GUCY1A1: variants seen among roughly 807,000 people sequenced by gnomAD.
GUCY1A1 encodes guanylate cyclase soluble subunit alpha-1.
A neutral mutation model predicts 64.5 loss-of-function variants in GUCY1A1; 48 were observed. The observed-to-expected ratio is 0.74, with a 90% CI of 0.59 to 0.95. The LOEUF (loss-of-function observed/expected upper bound fraction) is 0.95, where lower values mean the gene tolerates loss of function less well. GUCY1A1 is among the 40% of genes least tolerant of loss of function. GUCY1A1 has a pLI of 0.00. For synonymous variants in GUCY1A1, 308 were observed against 303.4 expected, an observed-to-expected ratio of 1.02 and a Z score of -0.16; for missense variants, 804 against 825.3, an observed-to-expected ratio of 0.97 and a Z score of 0.32.
intron 2 of GUCY1A1, among the ~76,000 whole-genome samples, chr4:155,683,089 T>C (rs1736035940): frequency 6.6e-6 from 1 of 152,180 alleles, no homozygotes; most frequent in Non-Finnish European, 1.5e-5. Flanking sequence ...TTCATTTAGC[T>C]GATTTCACAG....
intron 2 of GUCY1A1, among the ~76,000 whole-genome samples, chr4:155,695,681 T>C (rs190874852): frequency 1.6e-4 from 24 of 152,276 alleles, no homozygotes; most frequent in Admixed American, 4.6e-4. Context: ...TTCTCACCCA[T>C]TGGGGATAAT....
chr4:155,704,135 A>T (rs903810527), intron 4 of GUCY1A1, 142 bp downstream of exon 4: 1 of 520,622 alleles, frequency 1.9e-6, no homozygotes, highest in Admixed American at 3.4e-5. Context: ...TTTAGCTGAT[A>T]CTAATTTCAA....
At chr4:155,672,251 T>C (rs911293880) in intron 2 of GUCY1A1, among the ~76,000 whole-genome samples, 3 of 152,130 alleles carry the variant, frequency 2.0e-5, no homozygotes, top group African/African-American at 4.8e-5. Context: ...TTTTCACCAA[T>C]TTAGAGGAAT....
At chr4:155,672,009 C>A (rs1560906200) in intron 2 of GUCY1A1, among the ~76,000 whole-genome samples, 2 of 107,848 alleles carry the variant, frequency 1.9e-5, no homozygotes, top group Non-Finnish European at 4.0e-5. Flanking sequence ...TTCTACTCTT[C>A]CCCCCTCCGT....
chr4:155,717,139 G>A lies in GUCY1A1; in HGVS notation c.1573-20G>A, dbSNP rs1391625114. 3 of 1,378,356 alleles carry A rather than the reference G, an allele frequency of 2.2e-6. No homozygotes were observed. The African/African-American group carries it at 4.4e-5, about 20-fold the overall frequency. The allele number at this position is 1,378,356 out of a possible 1,614,324, so 85.4% of individuals were successfully genotyped here. A position where few individuals can be genotyped will look rare whatever the true frequency, so the allele number is the denominator to read the frequency against. On this transcript the variant is annotated intron_variant, in intron 7 of 9. Coordinates refer to ENST00000506455, the MANE Select transcript of GUCY1A1 (RefSeq NM_001130682.3). ...CTTCCTGAGCATTTATTTATAGTAT[G>A]GAAAATATATTATGTCTAGGTGGAG...
chr4:155,717,462 G>T (rs1324972546), intron 8 of GUCY1A1, among the ~76,000 whole-genome samples, 160 bp downstream of exon 8: 1 of 152,104 alleles, frequency 6.6e-6, no homozygotes, highest in Non-Finnish European at 1.5e-5. Context: ...TACATTGGAA[G>T]AAATTTATTA....
At chr4:155,684,176 G>T (rs527825031) in intron 2 of GUCY1A1, among the ~76,000 whole-genome samples, 5 of 152,264 alleles carry the variant, frequency 3.3e-5, no homozygotes, top group African/African-American at 4.8e-5. Context: ...TCTCTATTTT[G>T]AATCAATTAG....
rs80116802 is a variant in GUCY1A1, at chr4:155,679,508, C to T, written c.-113+12089C>T. 8.8e-3 allele frequency among the ~76,000 whole-genome samples: 1,336 copies of T among 152,072 alleles called. 27 individuals carry two copies. Among genetic ancestry groups the T allele is most frequent in the Middle Eastern group, 0.031 (9 of 292 alleles). ...AGAGATTACTGAGAGAGAGAGGAAG[C>T]GAGGGAGAGAGAGAGGAGACACCAG... On this transcript the variant is annotated intron_variant, in intron 2 of 9. Coordinates refer to ENST00000506455, the MANE Select transcript of GUCY1A1 (RefSeq NM_001130682.3).
chr4:155,690,145 T>C (rs796427853), intron 2 of GUCY1A1, among the ~76,000 whole-genome samples: 3 of 152,296 alleles, frequency 2.0e-5, no homozygotes, highest in African/African-American at 7.2e-5. Flanking sequence ...TTGGTTAAGA[T>C]TGAATAACCA....
chr4:155,686,983 A>C (rs1336392462), intron 2 of GUCY1A1, among the ~76,000 whole-genome samples: 2 of 152,198 alleles, frequency 1.3e-5, no homozygotes, highest in African/African-American at 4.8e-5. Flanking sequence ...TATATTCTCT[A>C]ATGCTCATCA....
intron 2 of GUCY1A1, among the ~76,000 whole-genome samples, chr4:155,694,122 T>C (rs1397351916): frequency 1.3e-5 from 2 of 152,214 alleles, no homozygotes. Context: ...ATAACTGAAA[T>C]AGTGGCATTC....
rs184859503 is a variant in GUCY1A1, at chr4:155,697,998, T to G, written c.255+876T>G. ...ACCAGCTAACATAATACATTGATAA[T>G]TTTTAATTGACTCAATACCAACCCT... On this transcript the variant is annotated intron_variant, in intron 3 of 9. Coordinates refer to ENST00000506455, the MANE Select transcript of GUCY1A1 (RefSeq NM_001130682.3). Among the ~76,000 whole-genome samples, 266 of 152,328 alleles carry G rather than the reference T, an allele frequency of 1.7e-3. 1 individual carries two copies. The highest frequency in any genetic ancestry group is 6.0e-3 in the African/African-American group (248 of 41,566).
At chr4:155,698,039 C>T (rs1430209916) in intron 3 of GUCY1A1, among the ~76,000 whole-genome samples, 1 of 152,176 alleles carries the variant, frequency 6.6e-6, no homozygotes, top group Non-Finnish European at 1.5e-5. Context: ...GTGTGCAAAG[C>T]ACCAAAGAAA....
chr4:155,701,797 A>G (rs1351736436), intron 3 of GUCY1A1, among the ~76,000 whole-genome samples: 1 of 139,884 alleles, frequency 7.1e-6, no homozygotes, highest in Non-Finnish European at 1.6e-5. Context: ...GCAAAACTCT[A>G]TATCCAAAAA....
In GUCY1A1 at chr4:155,717,215, T is replaced by C. The variant is rs751912972; in HGVS notation, c.1629T>C (p.Asp543=). The change falls in exon 8 of 10, where the codon GAT becomes GAC. Residue 543 remains aspartate (D), a synonymous_variant. Coordinates refer to ENST00000506455, the MANE Select transcript of GUCY1A1 (RefSeq NM_001130682.3). ...CTGGGGGATTACACAAAGAGAGTGA[T>C]ACTCATGCTGTTCAGATAGCGCTGA... ...CVAGGLHKES[D]THAVQIALMA... 4.7e-5 allele frequency: 75 copies of C among 1,592,640 alleles called. No homozygotes were observed. Among genetic ancestry groups the C allele is most frequent in the Non-Finnish European group, 6.3e-5 (74 of 1,166,466 alleles).
At chr4:155,692,179 T>G (rs187613095) in intron 2 of GUCY1A1, among the ~76,000 whole-genome samples, 9 of 152,336 alleles carry the variant, frequency 5.9e-5, no homozygotes, top group African/African-American at 2.2e-4. Context: ...CGACATTTTC[T>G]TTATCCAGTT....
intron 7 of GUCY1A1, among the ~76,000 whole-genome samples, chr4:155,716,271 T>C (rs1733220289): frequency 1.3e-5 from 2 of 152,218 alleles, no homozygotes; most frequent in Non-Finnish European, 2.9e-5. Context: ...GCCTCCTTTC[T>C]TTTTTCCTTT....
chr4:155,723,829 A>G (rs1734301492), intron 9 of GUCY1A1, among the ~76,000 whole-genome samples: 1 of 151,778 alleles, frequency 6.6e-6, no homozygotes, highest in Non-Finnish European at 1.5e-5. Context: ...CGTCTGGCTA[A>G]TTTTTGTATT....
rs937056422 is a variant in GUCY1A1, at chr4:155,733,964, G to A, written c.*3733G>A. Among the ~76,000 whole-genome samples the A allele has an allele frequency of 1.3e-5, 2 of 151,852 alleles. No homozygotes were observed. The highest frequency in any genetic ancestry group is 4.1e-4 in the South Asian group (2 of 4,832). On this transcript the variant is annotated 3_prime_UTR_variant, in exon 10 of 10. Coordinates refer to ENST00000506455, the MANE Select transcript of GUCY1A1 (RefSeq NM_001130682.3). ...CATAAAGCTGGGATGTCTGGCATTG[G>A]AATTTTATGTCACTCTCAAGGCTAA... is the stretch of plus-strand genomic sequence containing the variant.
Sources: gnomAD v4.1 joint callset for allele counts (sites outside exome capture counted in the v4.1 genomes callset) on GRCh38, gnomAD v4.1.1 for gene constraint, MANE v1.5 for transcripts, NCBI Gene and HGNC (gene_info 2026-07-23, HGNC 2026-07-21) for gene names.